Variants in C4orf50 observed in about 807,000 individuals in gnomAD.
C4orf50 encodes chromosome 4 open reading frame 50, also known as uncharacterized protein C4orf50.
A neutral mutation model predicts 77.2 loss-of-function variants in C4orf50; 80 were observed. The observed-to-expected ratio is 1.04, with a 90% CI of 0.87 to 1.25. The LOEUF (loss-of-function observed/expected upper bound fraction) is 1.25. C4orf50 is among the 50% of genes most tolerant of loss of function. C4orf50 has a pLI of 0.00. For missense variants in C4orf50, 1,257 were observed against 1,152.9 expected, an observed-to-expected ratio of 1.09 and a Z score of -1.31; for synonymous variants, 532 against 465.3, an observed-to-expected ratio of 1.14 and a Z score of -1.84.
chr4:5,926,448 A>G (rs116166235), intron 7 of C4orf50, among the ~76,000 whole-genome samples: 276 of 152,306 alleles, frequency 1.8e-3, no homozygotes, highest in African/African-American at 6.4e-3. Flanking sequence ...TGGAGGGAAC[A>G]GACAGGGACT....
chr4:5,915,171 C>T (rs1208927672), intron 7 of C4orf50, among the ~76,000 whole-genome samples: 2 of 152,186 alleles, frequency 1.3e-5, no homozygotes, highest in Non-Finnish European at 1.5e-5. Context: ...GAAATACCCC[C>T]TTCCTGGGTC....
At chr4:5,943,798 A>T (rs183274013) in intron 7 of C4orf50, among the ~76,000 whole-genome samples, 5 of 152,358 alleles carry the variant, frequency 3.3e-5, no homozygotes, top group South Asian at 2.1e-4. Context: ...ACACTCAATT[A>T]GCAAGCACTG....
At chr4:6,003,680 GTGA>G (rs1327023403) in intron 25 of C4orf50, among the ~76,000 whole-genome samples, 18 of 133,056 alleles carry the variant, frequency 1.4e-4, no homozygotes, top group South Asian at 2.6e-4. Flanking sequence ...GGTGATGATA[GTGA>G]TGATGGTGAT....
chr4:5,980,084 A>G (rs2108780762), intron 29 of C4orf50, 90 bp downstream of exon 7: 2 of 1,100,892 alleles, frequency 1.8e-6, no homozygotes, highest in Non-Finnish European at 2.6e-6. Context: ...CTGGGTCAAG[A>G]AGACCTCAGC....
intron 26 of C4orf50, among the ~76,000 whole-genome samples, chr4:5,993,356 C>T (rs1721400910): frequency 6.6e-6 from 1 of 152,214 alleles, no homozygotes; most frequent in South Asian, 2.1e-4. Context: ...ACGCTGGTTG[C>T]ATCAGTCAGC....
chr4:5,998,579 G>A (rs1346765140), intron 25 of C4orf50, among the ~76,000 whole-genome samples: 2 of 152,228 alleles, frequency 1.3e-5, no homozygotes, highest in Non-Finnish European at 2.9e-5. Flanking sequence ...AGCCCCTGAC[G>A]TGGGATCGTG....
rs1195685715 is a variant in C4orf50, at chr4:5,969,626, G to A, written c.4105-2164C>T. ...GCTTGAAGGTGCCCCAAAAGCTGTT[G>A]GGTGCCTGTGTGTGACAGGTGCTGT... On this transcript the variant is annotated intron_variant, in intron 31 of 33. Coordinates refer to ENST00000531445, the Ensembl canonical transcript of C4orf50. Among the ~76,000 whole-genome samples, 8 of 151,982 alleles carry A rather than the reference G, an allele frequency of 5.3e-5. No individual in the cohort carries two copies. In the East Asian group the frequency reaches 1.5e-3, roughly 29 times the overall value.
chr4:5,963,324 T>C (rs1719380141), intron 33 of C4orf50, among the ~76,000 whole-genome samples: 1 of 152,086 alleles, frequency 6.6e-6, no homozygotes, highest in Non-Finnish European at 1.5e-5. Context: ...CTGCTGCTGA[T>C]AAGGTAGATT....
At chr4:5,968,813 G>C (rs1278552321) in intron 31 of C4orf50, among the ~76,000 whole-genome samples, 1 of 152,124 alleles carries the variant, frequency 6.6e-6, no homozygotes, top group Non-Finnish European at 1.5e-5. Flanking sequence ...CTGGGGTTTT[G>C]TTCGCCTTCG....
intron 7 of C4orf50, among the ~76,000 whole-genome samples, chr4:5,910,981 C>T (rs1234694410): frequency 6.8e-6 from 1 of 146,636 alleles, no homozygotes; most frequent in Non-Finnish European, 1.5e-5. Flanking sequence ...ACTTGGCTCA[C>T]TGCAAGCTCC....
intron 33 of C4orf50, among the ~76,000 whole-genome samples, chr4:5,962,447 A>G (rs998899772): frequency 2.0e-5 from 3 of 152,178 alleles, no homozygotes; most frequent in Non-Finnish European, 4.4e-5. Flanking sequence ...TACTCCAACT[A>G]TTTCCTCAAA....
At chr4:5,943,189 G>T (rs961555894) in intron 7 of C4orf50, among the ~76,000 whole-genome samples, 17 of 152,166 alleles carry the variant, frequency 1.1e-4, no homozygotes, top group African/African-American at 4.1e-4. Context: ...AGCTGTTTCC[G>T]TGATGCTACG....
At chr4:5,913,733 C>A (rs1716908065) in intron 7 of C4orf50, among the ~76,000 whole-genome samples, 1 of 152,146 alleles carries the variant, frequency 6.6e-6, no homozygotes, top group Non-Finnish European at 1.5e-5. Context: ...GACGTTGGGA[C>A]CAAACCTCCA....
intron 7 of C4orf50, among the ~76,000 whole-genome samples, chr4:5,930,879 A>G (rs1185502606): frequency 1.3e-5 from 2 of 152,178 alleles, no homozygotes; most frequent in Non-Finnish European, 2.9e-5. Context: ...ATGTTGAAAG[A>G]CATAAGTGGA....
chr4:6,000,751 C>T lies in C4orf50; in HGVS notation c.964-6275G>A, dbSNP rs554664938. On this transcript the variant is annotated intron_variant, in intron 25 of 33. Coordinates refer to ENST00000531445, the Ensembl canonical transcript of C4orf50. This position sits in a 1 kb window ranked among gnomAD's most constrained non-coding sequence, Gnocchi z 6.0. ...ACGCACCAAGTGGGTACCATCAAATCCTGACTGTTGACCTGTTGACCAGTA... is the reference window on the plus strand; with the variant it reads ...ACGCACCAAGTGGGTACCATCAAATTCTGACTGTTGACCTGTTGACCAGTA... Among the ~76,000 whole-genome samples the T allele has an allele frequency of 6.6e-6, 1 of 152,270 alleles. No homozygotes were observed. The highest frequency in any genetic ancestry group is 1.5e-5 in the Non-Finnish European group (1 of 68,024).
intron 28 of C4orf50, among the ~76,000 whole-genome samples, chr4:5,986,700 A>G (rs996816999): frequency 3.3e-5 from 5 of 151,818 alleles, no homozygotes; most frequent in African/African-American, 1.2e-4. Flanking sequence ...CACCACACCC[A>G]GCTAATTTTT....
At chr4:5,899,961 C>G (rs1716275926) in intron 7 of C4orf50, 1 of 152,168 alleles carries the variant, frequency 6.6e-6, no homozygotes, top group Non-Finnish European at 1.5e-5. Flanking sequence ...GGCTGCAGCC[C>G]CTCTTACCCT....
At chr4:5,940,799 G>A (rs527284084) in intron 7 of C4orf50, among the ~76,000 whole-genome samples, 1 of 152,318 alleles carries the variant, frequency 6.6e-6, no homozygotes, top group Non-Finnish European at 1.5e-5. Flanking sequence ...TGAAGCTCCT[G>A]CTCTCTCTTT....
At chr4:5,935,678 C>T (rs1229504677) in intron 7 of C4orf50, among the ~76,000 whole-genome samples, 1 of 150,090 alleles carries the variant, frequency 6.7e-6, no homozygotes, top group Non-Finnish European at 1.5e-5. Flanking sequence ...CCCAGCTACT[C>T]GGGAGGCTGA....
Sources: gnomAD v4.1 joint callset for allele counts (sites outside exome capture counted in the v4.1 genomes callset) on GRCh38, gnomAD v4.1.1 for gene constraint, Gnocchi (gnomAD v3.1) non-coding constraint, MANE v1.5 for transcripts, NCBI Gene and HGNC (gene_info 2026-07-23, HGNC 2026-07-21) for gene names.